TARS3: variants seen among roughly 807,000 people sequenced by gnomAD.
The protein encoded by TARS3 is threonyl-tRNA synthetase 3.
In TARS3, 94 loss-of-function variants were observed where a neutral mutation model predicts 103.5. The observed-to-expected ratio is 0.91, with a 90% CI of 0.77 to 1.08. The LOEUF (loss-of-function observed/expected upper bound fraction) is 1.08, where lower values mean the gene tolerates loss of function less well. Ranked by LOEUF, TARS3 falls within the 50% of genes least tolerant of loss-of-function variation. The pLI, the probability that TARS3 is intolerant of heterozygous loss-of-function variation, is 0.00. For synonymous variants in TARS3, 416 were observed against 355.4 expected (o/e 1.17, Z -1.92); for missense variants, 952 against 995.2 (o/e 0.96, Z 0.58).
At chr15:101,684,621 G>A (rs1898391019) in intron 11 of TARS3, among the ~76,000 whole-genome samples, 1 of 152,140 alleles carries the variant, frequency 6.6e-6, no homozygotes, top group Non-Finnish European at 1.5e-5. Flanking sequence ...CCATCATTAT[G>A]GCACTGGTCT....
chr15:101,695,005 A>G (rs1343667396), intron 10 of TARS3, among the ~76,000 whole-genome samples: 1 of 152,236 alleles, frequency 6.6e-6, no homozygotes, highest in Non-Finnish European at 1.5e-5. Flanking sequence ...GAGATGGACC[A>G]TGACAGTTGC....
chr15:101,702,203 T>C lies in TARS3; in HGVS notation c.1221+36A>G, dbSNP rs116227894. ...ACAGAAACATTCCTATGTTGGCTTATGATTACATCTCCAGTGATTAAGATG... is the reference window on the plus strand; with the variant it reads ...ACAGAAACATTCCTATGTTGGCTTACGATTACATCTCCAGTGATTAAGATG... On this transcript the variant is annotated intron_variant, in intron 9 of 18. Transcript: ENST00000335968. 9.1e-4 allele frequency: 1,463 copies of C among 1,605,910 alleles called. 20 individuals carry two copies. The African/African-American group carries it at 0.017, about 19-fold the overall frequency.
Position 101,721,112 on chromosome 15 carries a change from A to T in TARS3, c.566+14T>A. 6 of 1,584,622 alleles carry T rather than the reference A, an allele frequency of 3.8e-6. No individual in the cohort carries two copies. The highest frequency in any genetic ancestry group is 5.2e-6 in the Non-Finnish European group (6 of 1,157,248). The stretch of plus-strand genomic sequence containing the variant: ...TTACTTAAGATTGAATATCTTTTCC[A>T]CACTGCGGTTTACCTAATTTCAGCA... On this transcript the variant is annotated intron_variant, in intron 3 of 18. Coordinates refer to ENST00000335968, the MANE Select transcript of TARS3 (RefSeq NM_152334.3).
chr15:101,683,153 T>C (rs991677774), intron 12 of TARS3, among the ~76,000 whole-genome samples: 12 of 152,200 alleles, frequency 7.9e-5, no homozygotes, highest in Non-Finnish European at 1.5e-4. Flanking sequence ...TTGCTTCCAT[T>C]ACATTGGGTG....
intron 3 of TARS3, among the ~76,000 whole-genome samples, chr15:101,716,513 G>A (rs1178143666): frequency 1.3e-5 from 2 of 152,060 alleles, no homozygotes; most frequent in Non-Finnish European, 2.9e-5. Flanking sequence ...ATAAATCACA[G>A]CATCTTCCCT....
intron 5 of TARS3, among the ~76,000 whole-genome samples, chr15:101,711,422 A>C (rs1899861468): frequency 6.6e-6 from 1 of 152,164 alleles, no homozygotes; most frequent in Admixed American, 6.5e-5. Context: ...GCATGGGTCC[A>C]CCTATATGTG....
chr15:101,691,941 A>C (rs1898744498), intron 10 of TARS3, among the ~76,000 whole-genome samples: 2 of 151,966 alleles, frequency 1.3e-5, no homozygotes, highest in East Asian at 3.9e-4. Flanking sequence ...CTCTGCACTC[A>C]GGCGAGAATT....
At chr15:101,705,021 G>A (rs1260012785) in intron 7 of TARS3, among the ~76,000 whole-genome samples, 4 of 152,082 alleles carry the variant, frequency 2.6e-5, no homozygotes, top group African/African-American at 9.7e-5. Flanking sequence ...CTTCTAAGGC[G>A]GTACTGTGAT....
At chr15:101,682,059 TCTA>T (rs1898276003) in intron 12 of TARS3, among the ~76,000 whole-genome samples, 1 of 152,228 alleles carries the variant, frequency 6.6e-6, no homozygotes, top group Non-Finnish European at 1.5e-5. Flanking sequence ...CCATCTGATC[TCTA>T]CATAGATGAT....
chr15:101,715,436 G>A (rs1452216329), intron 3 of TARS3, among the ~76,000 whole-genome samples: 6 of 152,042 alleles, frequency 3.9e-5, no homozygotes, highest in South Asian at 2.1e-4. Flanking sequence ...GTGAGCCACC[G>A]CGCCCAGCCA....
Position 101,686,204 on chromosome 15 carries a change from G to T in TARS3, c.1321-142C>A, listed in dbSNP as rs1322038252. On this transcript the variant is annotated intron_variant, in intron 10 of 18. Coordinates refer to ENST00000335968, the MANE Select transcript of TARS3 (RefSeq NM_152334.3). ...TTAATGTACCCTCAGTTTTAGGTGT[G>T]GTGGTTTCTGGATCTTGGAAGAAAG... 3.0e-5 allele frequency: 20 copies of T among 656,808 alleles called. 1 individual carries two copies. The highest frequency in any genetic ancestry group is 4.9e-5 in the Non-Finnish European group (20 of 404,460). The allele number at this position is 656,808 out of a possible 1,614,324, so 40.7% of individuals were successfully genotyped here.
At chr15:101,655,930 TAA>T (rs1259513211) in intron 18 of TARS3, 3 of 1,289,072 alleles carry the variant, frequency 2.3e-6, no homozygotes, top group Non-Finnish European at 3.0e-6. Context: ...GGAATGTGGG[TAA>T]AAAGTTTGTT....
intron 3 of TARS3, among the ~76,000 whole-genome samples, chr15:101,719,518 G>T (rs2141458192): frequency 6.6e-6 from 1 of 152,316 alleles, no homozygotes; most frequent in African/African-American, 2.4e-5. Flanking sequence ...TCCATGGTAT[G>T]AATGCTTTAG....
Position 101,714,979 on chromosome 15 carries a change from C to T in TARS3, c.567-16G>A, listed in dbSNP as rs780348973. On this transcript the variant is annotated splice_polypyrimidine_tract_variant and intron_variant, in intron 3 of 18. Coordinates refer to ENST00000335968, the MANE Select transcript of TARS3 (RefSeq NM_152334.3). Reference sequence around the variant, plus strand: ...CAGTTCCTGACTAAGAAGACAAAAGCCACTTGGGAGTTAACTTTATCACTG... The same window carrying T: ...CAGTTCCTGACTAAGAAGACAAAAGTCACTTGGGAGTTAACTTTATCACTG... The T allele has an allele frequency of 6.2e-7, 1 of 1,601,472 alleles. No individual in the cohort carries two copies.
intron 15 of TARS3, among the ~76,000 whole-genome samples, chr15:101,666,978 A>T (rs1202049312): frequency 1.3e-5 from 2 of 152,218 alleles, no homozygotes; most frequent in Non-Finnish European, 2.9e-5. Context: ...AAGACTTGAA[A>T]GTCAAAATTG....
intron 10 of TARS3, among the ~76,000 whole-genome samples, chr15:101,693,133 A>C (rs550896072): frequency 6.6e-6 from 1 of 152,316 alleles, no homozygotes; most frequent in East Asian, 1.9e-4. Context: ...TCATTTTGGA[A>C]AATAGTTTGG....
chr15:101,661,962 C>T, intron 15 of TARS3, 146 bp from the exon 16 acceptor site: 1 of 484,488 alleles, frequency 2.1e-6, no homozygotes, highest in Middle Eastern at 5.8e-4. Context: ...GTCTTGTTTT[C>T]TCATTGCTTT....
intron 12 of TARS3, among the ~76,000 whole-genome samples, chr15:101,679,946 A>C (rs923458440): frequency 6.6e-6 from 1 of 152,166 alleles, no homozygotes; most frequent in African/African-American, 2.4e-5. Context: ...GCATGGCCTC[A>C]TGACCAATTG....
chr15:101,697,907 T>C (rs1286923197), intron 10 of TARS3, among the ~76,000 whole-genome samples: 3 of 152,122 alleles, frequency 2.0e-5, no homozygotes, highest in African/African-American at 7.2e-5. Flanking sequence ...TCTAACCGTG[T>C]TGATGATAAA....
Sources: gnomAD v4.1 joint callset for allele counts (sites outside exome capture counted in the v4.1 genomes callset) on GRCh38, gnomAD v4.1.1 for gene constraint, MANE v1.5 for transcripts, NCBI Gene and HGNC (gene_info 2026-07-23, HGNC 2026-07-21) for gene names.